UBE3B: variants seen among roughly 807,000 people sequenced by gnomAD.
The protein encoded by UBE3B is ubiquitin-protein ligase E3B.
UBE3B carries 80 observed loss-of-function variants against 132.3 expected under a neutral mutation model. The ratio of observed to expected loss-of-function variants is 0.60; its 90% CI spans 0.50 to 0.73. The LOEUF (loss-of-function observed/expected upper bound fraction) is 0.73. UBE3B is among the 30% of genes least tolerant of loss of function. The probability of loss-of-function intolerance (pLI) is 0.00; values close to 1 mark genes in which losing one functional copy is unlikely to be tolerated. For missense variants in UBE3B, 1,196 were observed against 1,362.5 expected (o/e 0.88, Z 1.92); for synonymous variants, 487 against 520.4 (o/e 0.94, Z 0.87).
At chr12:109,541,270 A>C (rs1883605519), downstream of UBE3B, among the ~76,000 whole-genome samples, 1 of 152,234 alleles carries the variant, frequency 6.6e-6, no homozygotes, top group Non-Finnish European at 1.5e-5. Flanking sequence ...AAGACCAAGC[A>C]GTGACCCAGG....
intron 7 of UBE3B, among the ~76,000 whole-genome samples, chr12:109,489,435 G>T (rs891512223): frequency 2.0e-5 from 3 of 152,160 alleles, no homozygotes; most frequent in African/African-American, 7.2e-5. Context: ...GAAGAGCGGG[G>T]ATGAAACGGA....
chr12:109,484,610 T>A (rs1303359183), intron 4 of UBE3B, among the ~76,000 whole-genome samples: 1 of 152,124 alleles, frequency 6.6e-6, no homozygotes, highest in Non-Finnish European at 1.5e-5. Context: ...CAGGATAGTC[T>A]CGATCTCTTA....
intron 9 of UBE3B, among the ~76,000 whole-genome samples, chr12:109,494,040 G>A (rs1372274335): frequency 2.0e-5 from 3 of 152,114 alleles, no homozygotes; most frequent in East Asian, 1.9e-4. Context: ...TGCCCAGGCT[G>A]GTCTCAAACT....
At chr12:109,487,939 G>A (rs898002787) in intron 6 of UBE3B, among the ~76,000 whole-genome samples, 4 of 152,158 alleles carry the variant, frequency 2.6e-5, no homozygotes, top group Non-Finnish European at 4.4e-5. Flanking sequence ...GGCCTAGAAA[G>A]CAGTCAGGCC....
At chr12:109,517,983 T>C (rs1246493639) in intron 19 of UBE3B, 9 of 436,928 alleles carry the variant, frequency 2.1e-5, no homozygotes, top group Non-Finnish European at 4.2e-5. Flanking sequence ...CAGTGTGTGC[T>C]GAACAGTGGA....
intron 18 of UBE3B, among the ~76,000 whole-genome samples, chr12:109,512,290 T>G (rs1880468640): frequency 2.0e-5 from 3 of 151,840 alleles, no homozygotes; most frequent in Non-Finnish European, 4.4e-5. Context: ...GAGTGAGAAG[T>G]CCAGGGCACT....
At chr12:109,525,098 T>C (rs1882182261) in intron 23 of UBE3B, among the ~76,000 whole-genome samples, 1 of 152,166 alleles carries the variant, frequency 6.6e-6, no homozygotes, top group Non-Finnish European at 1.5e-5. Flanking sequence ...CAGAGCCGAC[T>C]TATTAGACTC....
At chr12:109,526,260 C>A in intron 23 of UBE3B, 98 bp from the exon 24 acceptor site, 2 of 1,230,614 alleles carry the variant, frequency 1.6e-6, no homozygotes, top group Non-Finnish European at 2.4e-6. Context: ...TTAATTCCAT[C>A]ATTATCATGG....
At chr12:109,495,620 T>A (rs1878091268) in intron 9 of UBE3B, among the ~76,000 whole-genome samples, 2 of 152,198 alleles carry the variant, frequency 1.3e-5, no homozygotes, top group South Asian at 4.1e-4. Context: ...GAACAGAGAT[T>A]TACCCACGTA....
chr12:109,496,903 G>T (rs568325097), intron 9 of UBE3B, among the ~76,000 whole-genome samples: 1 of 152,174 alleles, frequency 6.6e-6, no homozygotes, highest in Non-Finnish European at 1.5e-5. Flanking sequence ...CAACTTACCT[G>T]TTTTTTTCTT....
chr12:109,533,444 C>G, intron 26 of UBE3B, 22 bp from the exon 27 acceptor site: 1 of 1,610,688 alleles, frequency 6.2e-7, no homozygotes, highest in Admixed American at 1.7e-5. Context: ...CCCGTCCCCA[C>G]TGACCCTGCT....
intron 18 of UBE3B, among the ~76,000 whole-genome samples, chr12:109,515,469 A>G (rs1021996684): frequency 2.6e-5 from 4 of 151,668 alleles, no homozygotes; most frequent in Admixed American, 6.6e-5. Flanking sequence ...TCCCAAGTTC[A>G]AGCGATTCTC....
In UBE3B at chr12:109,483,492, C is replaced by A. The variant is rs555841802; in HGVS notation, c.-21-39C>A. On this transcript the variant is annotated intron_variant, in intron 2 of 27. Transcript: ENST00000342494. ...CCCCTTTCTGTGTGTGTTTTTCACACAACAATCTACAACACCCACTTGCCC... is the reference window on the plus strand; with the variant it reads ...CCCCTTTCTGTGTGTGTTTTTCACAAAACAATCTACAACACCCACTTGCCC... 1.1e-5 allele frequency: 17 copies of A among 1,508,284 alleles called. No homozygotes were observed. In the South Asian group the frequency reaches 2.3e-4, roughly 21 times the overall value. The allele number at this position is 1,508,284 out of a possible 1,614,324, so 93.4% of individuals were successfully genotyped here.
chr12:109,507,880 C>A, intron 15 of UBE3B, 145 bp downstream of exon 15: 2 of 974,920 alleles, frequency 2.1e-6, no homozygotes, highest in Non-Finnish European at 3.0e-6. Flanking sequence ...AGCCATTTAC[C>A]AAGTGAGCAG....
chr12:109,498,258 A>T lies in UBE3B; in HGVS notation c.845A>T (p.Asp282Val), dbSNP rs1878493078. 1 of 1,614,018 alleles carries T rather than the reference A, an allele frequency of 6.2e-7. No individual in the cohort carries two copies. Among genetic ancestry groups the T allele is most frequent in the Admixed American group, 1.7e-5 (1 of 59,996 alleles). Residue 282 changes from aspartate (D) to valine (V), a missense_variant, in exon 11 of 28, where the codon GAC (aspartate) becomes GTC (valine). By Grantham distance (152) the Asp-to-Val change is radical. Coordinates refer to ENST00000342494, the MANE Select transcript of UBE3B (RefSeq NM_130466.4). ...CGCCTCACTGTTTTAGAATCCCATG[A>T]CATGCTTCGTAAATTCATCATATTT... ...PERLTVLESH[D>V]MLRKFIIFLR...
intron 24 of UBE3B, among the ~76,000 whole-genome samples, chr12:109,527,095 A>G (rs1207449520): frequency 1.3e-5 from 2 of 152,172 alleles, no homozygotes; most frequent in Non-Finnish European, 2.9e-5. Context: ...TTTGGATGAT[A>G]GCACGTGGCA....
rs892394188 is a variant in UBE3B at position 109,522,011 on chromosome 12, T to G, written c.2364+460T>G. Among the ~76,000 whole-genome samples the G allele has an allele frequency of 5.3e-5, 8 of 152,304 alleles. No homozygotes were observed. Among genetic ancestry groups the G allele is most frequent in the Middle Eastern group, 3.4e-3 (1 of 294 alleles). On this transcript the variant is annotated intron_variant, in intron 21 of 27. Coordinates refer to ENST00000342494, the MANE Select transcript of UBE3B (RefSeq NM_130466.4). This position sits in a 1 kb window ranked among gnomAD's most constrained non-coding sequence, Gnocchi z 4.2. ...AGTTTGATAGTTTTAAAATCTTGTGTTGTTTGAGTGAGTGCTTCCCAGCCA... is the reference window on the plus strand; with the variant it reads ...AGTTTGATAGTTTTAAAATCTTGTGGTGTTTGAGTGAGTGCTTCCCAGCCA...
intron 2 of UBE3B, 78 bp from the exon 3 acceptor site, chr12:109,483,453 C>T (rs2302702): frequency 0.027 from 39,245 of 1,440,922 alleles, 2,594 homozygotes; most frequent in African/African-American, 0.24. Flanking sequence ...CCCTGCCCAC[C>T]CTCTGCTCTT....
chr12:109,534,430 C>A lies in UBE3B; in HGVS notation c.3016-161C>A. On this transcript the variant is annotated intron_variant, in intron 27 of 27. Coordinates refer to ENST00000342494, the MANE Select transcript of UBE3B (RefSeq NM_130466.4). This position sits in a 1 kb window ranked among gnomAD's most constrained non-coding sequence, Gnocchi z 5.2. The stretch of plus-strand genomic sequence containing the variant: ...TCTCTGGAAGCCAGTCGTCTTGTGT[C>A]TGGGGCTTGACCTCGGGTAGTGGTG... 8 of 1,424,044 alleles carry A rather than the reference C, an allele frequency of 5.6e-6. No homozygotes were observed. The highest frequency in any genetic ancestry group is 7.3e-6 in the Non-Finnish European group (8 of 1,092,260). The allele number at this position is 1,424,044 out of a possible 1,614,324, so 88.2% of individuals were successfully genotyped here. A position where few individuals can be genotyped will look rare whatever the true frequency, so the allele number is the denominator to read the frequency against.
Sources: allele counts gnomAD v4.1 joint callset (sites outside exome capture counted in the v4.1 genomes callset), GRCh38; gene constraint gnomAD v4.1.1; non-coding constraint Gnocchi (gnomAD v3.1); transcripts MANE v1.5; gene names NCBI Gene and HGNC (gene_info 2026-07-23, HGNC 2026-07-21).